The following MARS1 variants were observed in gnomAD, a reference collection of about 807,000 sequenced individuals.
The protein encoded by MARS1 is methionine--tRNA ligase, cytoplasmic.
MARS1 carries 80 observed loss-of-function variants against 119.5 expected under a neutral mutation model. The ratio of observed to expected loss-of-function variants is 0.67; its 90% CI spans 0.56 to 0.81. The LOEUF (loss-of-function observed/expected upper bound fraction) is 0.81, where lower values mean the gene tolerates loss of function less well. Among genes scored for constraint, MARS1 ranks in the 30% least tolerant of loss-of-function variants. The pLI is 0.00. For synonymous variants in MARS1, 418 were observed against 433.4 expected (o/e 0.96, Z 0.44); for missense variants, 945 against 1,116.5 (o/e 0.85, Z 2.19).
Position 57,515,280 on chromosome 12 carries a change from A to G in MARS1, c.2335A>G (p.Ser779Gly). 1 of 1,613,966 alleles carries G rather than the reference A, an allele frequency of 6.2e-7. No homozygotes were observed. Among genetic ancestry groups the G allele is most frequent in the Non-Finnish European group, 8.5e-7 (1 of 1,180,032 alleles). The change falls in exon 18 of 21, where the codon AGT (serine) becomes GGT (glycine). Residue 779 changes from serine (S) to glycine (G), a missense_variant. By Grantham distance (56) the Ser-to-Gly change is moderately conservative. Transcript: ENST00000262027. Reference sequence around the variant, plus strand: ...GCTGCAGCTCCCACCTCCAGCCTGCAGTATCCTGCTGACAAACTTCCTGTG... The same window carrying G: ...GCTGCAGCTCCCACCTCCAGCCTGCGGTATCCTGCTGACAAACTTCCTGTG... ...AQLQLPPPAC[S>G]ILLTNFLCTL... is the part of the protein sequence containing the mutation.
chr12:57,493,881 A>G (rs1188745195), intron 7 of MARS1, among the ~76,000 whole-genome samples: 3 of 56,082 alleles, frequency 5.3e-5, no homozygotes, highest in African/African-American at 1.6e-4. Flanking sequence ...TATATATAAT[A>G]TATAATATAT....
chr12:57,515,966 T>G lies in MARS1; in HGVS notation c.2438T>G (p.Leu813Ter). The G allele has an allele frequency of 6.2e-7, 1 of 1,614,170 alleles. No individual in the cohort carries two copies. The highest frequency in any genetic ancestry group is 1.1e-5 in the South Asian group (1 of 91,080). ...QKLENDQIES[L>*]RQRFGGGQAK... ...TTGGAAAATGACCAGATTGAAAGTT[T>G]AAGGCAGCGCTTTGGAGGGGGCCAG... Residue 813 changes from leucine (L) to a stop codon, truncating the protein, a stop_gained, in exon 19 of 21, where the codon TTA (leucine) becomes TGA (stop). Transcript: ENST00000262027. LOFTEE classifies it high-confidence loss of function.
chr12:57,499,886 G>A (rs1314018838), intron 9 of MARS1, among the ~76,000 whole-genome samples: 1 of 152,114 alleles, frequency 6.6e-6, no homozygotes, highest in Non-Finnish European at 1.5e-5. Flanking sequence ...GCGACAGAGC[G>A]AGACTCTGTC....
In MARS1 at chr12:57,498,566, G is replaced by A. The variant is rs755272942; in HGVS notation, c.1034G>A (p.Arg345His). 1.2e-5 allele frequency: 20 copies of A among 1,614,070 alleles called. No individual in the cohort carries two copies. The highest frequency in any genetic ancestry group is 2.7e-5 in the African/African-American group (2 of 74,910). ...CACATCATCCATGCTGACATCTACC[G>A]CTGGTTTAACATTTCGTTTGATATT... ...KYHIIHADIY[R>H]WFNISFDIFG... Residue 345 changes from arginine (R) to histidine (H), a missense_variant, in exon 9 of 21, where the codon CGC becomes CAC. Physicochemically the swap from Arg to His is conservative, Grantham distance 29. Transcript: ENST00000262027.
intron 7 of MARS1, among the ~76,000 whole-genome samples, chr12:57,492,541 C>T (rs1371543792): frequency 2.7e-5 from 4 of 150,822 alleles, no homozygotes; most frequent in African/African-American, 7.3e-5. Flanking sequence ...CACGGTGGCT[C>T]GTGCCTGTAA....
chr12:57,500,898 C>T (rs1876886268), intron 10 of MARS1, among the ~76,000 whole-genome samples: 1 of 152,100 alleles, frequency 6.6e-6, no homozygotes, highest in Non-Finnish European at 1.5e-5. Context: ...TAGAATAGGC[C>T]AATTACAATT....
Position 57,516,169 on chromosome 12 carries a change from T to C in MARS1, c.2464-76T>C, listed in dbSNP as rs752447544. 10 of 1,447,188 alleles carry C rather than the reference T, an allele frequency of 6.9e-6. 1 individual carries two copies. In the Middle Eastern group the frequency reaches 5.2e-4, roughly 76 times the overall value. The allele number at this position is 1,447,188 out of a possible 1,614,324, so 89.6% of individuals were successfully genotyped here. On this transcript the variant is annotated intron_variant, in intron 19 of 20. Transcript: ENST00000262027. ...ACCTTCGACTTAAAGGTAACCACTT[T>C]CCCTCTGAGATGCTGTATAAAACTG... is the stretch of plus-strand genomic sequence containing the variant.
At chr12:57,514,555 A>G (rs1877681945) in intron 15 of MARS1, among the ~76,000 whole-genome samples, 165 bp from the exon 16 acceptor site, 1 of 152,198 alleles carries the variant, frequency 6.6e-6, no homozygotes, top group South Asian at 2.1e-4. Context: ...GAAAGAGTAA[A>G]TAATTAGGCC....
intron 7 of MARS1, 136 bp downstream of exon 7, chr12:57,490,780 CTTT>C (rs35674919): frequency 0.017 from 4,233 of 252,810 alleles, no homozygotes; most frequent in East Asian, 0.025. Context: ...TCTTACATCT[CTTT>C]TTTTTTTTTT....
chr12:57,489,467 A>G lies in MARS1; in HGVS notation c.323A>G (p.Lys108Arg), dbSNP rs1037400402. 7.4e-6 allele frequency: 12 copies of G among 1,614,060 alleles called. No individual in the cohort carries two copies. Among genetic ancestry groups the G allele is most frequent in the Admixed American group, 1.7e-5 (1 of 59,994 alleles). The part of the protein sequence containing the change: ...AALYYLVVQG[K>R]KGEDVLGSVR... ...CTGTACTATTTAGTGGTCCAAGGCA[A>G]GAAGGGGGAAGATGTTCTTGGTTCA... The change falls in exon 4 of 21, where the codon AAG becomes AGG. Residue 108 changes from lysine to arginine, a missense_variant. Lys to Arg is a conservative substitution (Grantham distance 26, BLOSUM62 2). Coordinates refer to ENST00000262027, the MANE Select transcript of MARS1 (RefSeq NM_004990.4).
intron 11 of MARS1, among the ~76,000 whole-genome samples, chr12:57,508,516 T>C (rs1467075614): frequency 6.6e-6 from 1 of 152,028 alleles, no homozygotes; most frequent in Non-Finnish European, 1.5e-5. Flanking sequence ...CGAAAACCAG[T>C]CAGGCGTGGC....
rs1877538548 is a variant in MARS1 at position 57,511,877 on chromosome 12, C to T, written c.1539+9C>T. ...AAGGTTTTGAAGACAAGGTAAAAAC[C>T]CTTTTTTATTCATATCATTCAGCCT... is the stretch of plus-strand genomic sequence containing the variant. On this transcript the variant is annotated intron_variant, in intron 12 of 20. Transcript: ENST00000262027. The T allele has an allele frequency of 1.9e-6, 3 of 1,613,226 alleles. No homozygotes were observed. The highest frequency in any genetic ancestry group is 1.7e-5 in the Admixed American group (1 of 59,856).
chr12:57,490,469 G>T, intron 6 of MARS1, 69 bp from the exon 7 acceptor site: 4 of 1,609,798 alleles, frequency 2.5e-6, no homozygotes, highest in Middle Eastern at 1.7e-4. Context: ...TCAGGTAGTG[G>T]CAAGGAGAAA....
chr12:57,510,479 A>AT (rs886175538), intron 11 of MARS1, among the ~76,000 whole-genome samples: 1 of 151,266 alleles, frequency 6.6e-6, no homozygotes, highest in Middle Eastern at 3.4e-3. Flanking sequence ...GCTCAAAAAA[A>AT]TTTTTTTTTG....
intron 7 of MARS1, among the ~76,000 whole-genome samples, chr12:57,495,460 G>A (rs548577236): frequency 2.5e-4 from 38 of 151,900 alleles, no homozygotes; most frequent in Non-Finnish European, 4.4e-4. Flanking sequence ...AGGCAGAGAC[G>A]CTTCTCACTT....
chr12:57,510,317 C>A lies in MARS1; in HGVS notation c.1369-1381C>A, dbSNP rs145089075. On this transcript the variant is annotated intron_variant, in intron 11 of 20. Transcript: ENST00000262027. ...TGAAACCCCATCTCTACTAAAAATACAAAAATTAGCCAGGCGTGGTGGCAC... is the reference window on the plus strand; with the variant it reads ...TGAAACCCCATCTCTACTAAAAATAAAAAAATTAGCCAGGCGTGGTGGCAC... Among the ~76,000 whole-genome samples the A allele has an allele frequency of 4.1e-4, 62 of 151,996 alleles. 1 individual carries two copies. Among genetic ancestry groups the A allele is most frequent in the African/African-American group, 1.4e-3 (59 of 41,466 alleles).
intron 1 of MARS1, 141 bp downstream of exon 1, chr12:57,488,340 C>T (rs1256321355): frequency 2.5e-6 from 2 of 796,478 alleles, no homozygotes; most frequent in African/African-American, 3.4e-5. Context: ...TTGATCACTC[C>T]ACGCCTTCTT....
chr12:57,504,843 A>G (rs1877106565), intron 11 of MARS1, among the ~76,000 whole-genome samples: 1 of 151,392 alleles, frequency 6.6e-6, no homozygotes, highest in Admixed American at 6.6e-5. Context: ...AGCTGGGATT[A>G]CAGGCGTCTG....
chr12:57,510,343 C>G (rs118042640), intron 11 of MARS1, among the ~76,000 whole-genome samples: 31 of 151,984 alleles, frequency 2.0e-4, no homozygotes, highest in African/African-American at 7.5e-4. Flanking sequence ...GTGGTGGCAC[C>G]GACCTGTAGT....
Sources: allele counts gnomAD v4.1 joint callset (sites outside exome capture counted in the v4.1 genomes callset), GRCh38; gene constraint gnomAD v4.1.1; transcripts MANE v1.5; gene names NCBI Gene and HGNC (gene_info 2026-07-23, HGNC 2026-07-21).